Variants in METTL8 observed in about 807,000 individuals in gnomAD.
METTL8 encodes the protein tRNA N(3)-cytidine methyltransferase METTL8, mitochondrial.
Under a neutral mutation model 48.7 loss-of-function variants are expected in METTL8, and 32 were observed. The observed-to-expected ratio is 0.66, with a 90% confidence interval of 0.50 to 0.88. The LOEUF is 0.88. Among genes scored for constraint, METTL8 ranks in the 40% least tolerant of loss-of-function variants. METTL8 has a pLI of 0.00. For missense variants in METTL8, 464 were observed against 474.4 expected, an observed-to-expected ratio of 0.98 and a Z score of 0.20; for synonymous variants, 136 against 157.1, an observed-to-expected ratio of 0.87 and a Z score of 1.01.
intron 3 of METTL8, among the ~76,000 whole-genome samples, chr2:171,359,236 T>C (rs1684909649): frequency 1.3e-5 from 2 of 148,422 alleles, no homozygotes; most frequent in South Asian, 2.1e-4. Context: ...GGCATACAAA[T>C]GGCCAACAGC....
At chr2:171,424,724 A>C (rs1353671652) in intron 1 of METTL8, among the ~76,000 whole-genome samples, 1 of 152,232 alleles carries the variant, frequency 6.6e-6, no homozygotes, top group Non-Finnish European at 1.5e-5. Context: ...ACAGGCTCAT[A>C]GGCAGAAGGG....
At chr2:171,347,875 G>A (rs1683447376) in intron 3 of METTL8, among the ~76,000 whole-genome samples, 1 of 152,224 alleles carries the variant, frequency 6.6e-6, no homozygotes, top group Non-Finnish European at 1.5e-5. Context: ...CTTCGTGGTT[G>A]AAGCTCATAA....
At chr2:171,359,030 T>C (rs1684878389) in intron 3 of METTL8, among the ~76,000 whole-genome samples, 1 of 152,066 alleles carries the variant, frequency 6.6e-6, no homozygotes, top group Non-Finnish European at 1.5e-5. Flanking sequence ...GGCTCACTCC[T>C]GTAATACCAG....
At chr2:171,422,548 A>G (rs994470554) in intron 1 of METTL8, among the ~76,000 whole-genome samples, 3 of 152,202 alleles carry the variant, frequency 2.0e-5, no homozygotes, top group Admixed American at 6.5e-5. Flanking sequence ...TTGGGAGAAG[A>G]CATTTGTAAC....
At chr2:171,407,341 G>C (rs1333168905) in intron 1 of METTL8, among the ~76,000 whole-genome samples, 1 of 152,028 alleles carries the variant, frequency 6.6e-6, no homozygotes, top group Non-Finnish European at 1.5e-5. Flanking sequence ...CTAAAAGCGG[G>C]GGGGAAATGG....
chr2:171,412,105 G>T (rs1461939513), intron 1 of METTL8, among the ~76,000 whole-genome samples: 1 of 152,168 alleles, frequency 6.6e-6, no homozygotes, highest in East Asian at 1.9e-4. Context: ...AAATGATAAG[G>T]AAATAATATC....
At chr2:171,432,379 G>C (rs957011431) in intron 1 of METTL8, among the ~76,000 whole-genome samples, 1 of 152,186 alleles carries the variant, frequency 6.6e-6, no homozygotes, top group Non-Finnish European at 1.5e-5. Flanking sequence ...GGAACAGCAA[G>C]GCATCCAGGA....
chr2:171,404,125 T>G (rs1486206010), intron 1 of METTL8, among the ~76,000 whole-genome samples: 5 of 129,060 alleles, frequency 3.9e-5, no homozygotes, highest in African/African-American at 1.5e-4. Context: ...CAAATTAGGC[T>G]TAAGAGATTA....
At chr2:171,404,724 T>C (rs1243444506) in intron 1 of METTL8, among the ~76,000 whole-genome samples, 2 of 152,178 alleles carry the variant, frequency 1.3e-5, no homozygotes, top group East Asian at 1.9e-4. Flanking sequence ...ATACTACCGA[T>C]GACTGATCAA....
intron 1 of METTL8, among the ~76,000 whole-genome samples, chr2:171,399,114 C>T (rs1689399129): frequency 6.6e-6 from 1 of 152,118 alleles, no homozygotes; most frequent in Non-Finnish European, 1.5e-5. Flanking sequence ...AAGGTCCTTC[C>T]TCTTGAATCC....
intron 6 of METTL8, 32 bp from the exon 7 acceptor site, chr2:171,330,730 A>G: frequency 6.5e-7 from 1 of 1,542,348 alleles, no homozygotes; most frequent in Admixed American, 2.2e-5. Context: ...AAGCAAAAAG[A>G]GGACTTAGTA....
chr2:171,392,015 T>C (rs759393081), intron 2 of METTL8, 28 bp downstream of exon 2: 40 of 1,537,952 alleles, frequency 2.6e-5, no homozygotes, highest in Non-Finnish European at 3.5e-5. Context: ...GAAACACACA[T>C]AATATCAGAT....
intron 2 of METTL8, chr2:171,375,110 T>C: frequency 7.7e-7 from 1 of 1,303,856 alleles, no homozygotes; most frequent in Non-Finnish European, 1.1e-6. Context: ...TTGAAGACGC[T>C]CACTTCAGAA....
intron 1 of METTL8, among the ~76,000 whole-genome samples, chr2:171,393,676 C>T (rs1688796422): frequency 6.6e-6 from 1 of 152,150 alleles, no homozygotes; most frequent in Non-Finnish European, 1.5e-5. Flanking sequence ...CTAATGCTGT[C>T]AGCTGTCAGG....
intron 3 of METTL8, among the ~76,000 whole-genome samples, chr2:171,344,242 C>T (rs1163618889): frequency 6.6e-6 from 1 of 152,128 alleles, no homozygotes; most frequent in East Asian, 1.9e-4. Flanking sequence ...TTTTATTATT[C>T]CAATTTGCAG....
intron 3 of METTL8, among the ~76,000 whole-genome samples, chr2:171,340,333 C>T (rs1185537335): frequency 6.6e-6 from 1 of 151,252 alleles, no homozygotes; most frequent in Non-Finnish European, 1.5e-5. Context: ...GAAACTCCAT[C>T]TCTACTAAAA....
chr2:171,346,012 G>A (rs1207735326), intron 3 of METTL8, among the ~76,000 whole-genome samples: 1 of 152,008 alleles, frequency 6.6e-6, no homozygotes, highest in Non-Finnish European at 1.5e-5. Flanking sequence ...ATGAGGGCCT[G>A]GATCTATAGT....
chr2:171,325,408 C>G (rs570534120), intron 9 of METTL8, among the ~76,000 whole-genome samples: 1 of 152,268 alleles, frequency 6.6e-6, no homozygotes, highest in African/African-American at 2.4e-5. Context: ...AGGCTGGTCT[C>G]AAATTCCTGG....
At chr2:171,385,607 G>C (rs1279357305) in intron 2 of METTL8, among the ~76,000 whole-genome samples, 1 of 152,240 alleles carries the variant, frequency 6.6e-6, no homozygotes, top group African/African-American at 2.4e-5. Context: ...TGTGTTGGTA[G>C]AGAGTTCACC....
Sources: allele counts gnomAD v4.1 joint callset (sites outside exome capture counted in the v4.1 genomes callset), GRCh38; gene constraint gnomAD v4.1.1; transcripts MANE v1.5; gene names NCBI Gene and HGNC (gene_info 2026-07-23, HGNC 2026-07-21).